CSMD1: variants seen among roughly 807,000 people sequenced by gnomAD.
CSMD1 encodes the protein CUB and sushi domain-containing protein 1.
CSMD1 carries 213 observed loss-of-function variants against 417.5 expected under a neutral mutation model. That is an observed-to-expected ratio of 0.51 (90% CI 0.46 to 0.57). CSMD1 has a LOEUF of 0.57. CSMD1 is among the 20% of genes least tolerant of loss of function. CSMD1 has a pLI of 0.00. For missense variants in CSMD1, 6,923 were observed against 4,529.7 expected (o/e 1.53, Z -15.17); for synonymous variants, 2,862 against 1,736.8 (o/e 1.65, Z -16.11).
At chr8:4,987,915 G>A (rs1044287461) in intron 1 of CSMD1, among the ~76,000 whole-genome samples, 1 of 152,134 alleles carries the variant, frequency 6.6e-6, no homozygotes, top group South Asian at 2.1e-4. Flanking sequence ...GGTTTTCCGG[G>A]GTGTCTTGGA....
chr8:4,091,248 A>T (rs1229542802), intron 3 of CSMD1, among the ~76,000 whole-genome samples: 1 of 152,130 alleles, frequency 6.6e-6, no homozygotes, highest in East Asian at 1.9e-4. Flanking sequence ...AATAATGAGG[A>T]TGCAAATTAG....
At chr8:3,226,968 A>T (rs1487447174) in intron 27 of CSMD1, among the ~76,000 whole-genome samples, 1 of 152,232 alleles carries the variant, frequency 6.6e-6, no homozygotes, top group Non-Finnish European at 1.5e-5. Flanking sequence ...TTATTAATTT[A>T]AAATGCCAAT....
chr8:3,561,276 C>T (rs145469763), intron 10 of CSMD1, among the ~76,000 whole-genome samples: 16 of 152,298 alleles, frequency 1.1e-4, no homozygotes, highest in African/African-American at 3.9e-4. Context: ...AGCAATTCTA[C>T]TACTAGGTAT....
At chr8:4,126,944 C>G (rs144602339) in intron 3 of CSMD1, among the ~76,000 whole-genome samples, 3 of 151,990 alleles carry the variant, frequency 2.0e-5, no homozygotes, top group Non-Finnish European at 2.9e-5. Context: ...GGAAGAGACC[C>G]TGCAGGTGAG....
intron 5 of CSMD1, among the ~76,000 whole-genome samples, chr8:3,754,679 T>A (rs1242869334): frequency 6.6e-6 from 1 of 152,212 alleles, no homozygotes; most frequent in African/African-American, 2.4e-5. Flanking sequence ...GGTCTCGAAC[T>A]TGTGACCTCA....
chr8:4,088,529 A>T (rs1800542728), intron 3 of CSMD1, among the ~76,000 whole-genome samples: 1 of 152,116 alleles, frequency 6.6e-6, no homozygotes, highest in South Asian at 2.1e-4. Context: ...ACTGGTTAGG[A>T]TGCAAAACTA....
At chr8:4,812,634 A>G (rs895907998) in intron 1 of CSMD1, among the ~76,000 whole-genome samples, 5 of 152,220 alleles carry the variant, frequency 3.3e-5, no homozygotes, top group Non-Finnish European at 7.3e-5. Flanking sequence ...ATTTTCATAG[A>G]TCATTTAAAC....
intron 3 of CSMD1, among the ~76,000 whole-genome samples, chr8:4,309,712 C>T (rs1271041655): frequency 6.6e-6 from 1 of 152,144 alleles, no homozygotes; most frequent in African/African-American, 2.4e-5. Context: ...GGGATTGTAA[C>T]ATACACAACA....
At chr8:4,494,835 TAGAGTCAGGGTAGGTAGCAA>T (rs1389775334) in intron 2 of CSMD1, among the ~76,000 whole-genome samples, 1 of 151,950 alleles carries the variant, frequency 6.6e-6, no homozygotes, top group African/African-American at 2.4e-5. Context: ...ACTTAGAAAA[TAGAGTCAGGGTAGGTAGCAA>T]TTCTACCTGA....
At chr8:3,992,305 G>A (rs993280345) in intron 5 of CSMD1, among the ~76,000 whole-genome samples, 4 of 151,982 alleles carry the variant, frequency 2.6e-5, no homozygotes, top group South Asian at 4.1e-4. Flanking sequence ...CCTGGAGTAC[G>A]CAAGTTTACA....
intron 12 of CSMD1, among the ~76,000 whole-genome samples, chr8:3,466,100 T>C (rs972319120): frequency 6.6e-6 from 1 of 152,140 alleles, no homozygotes; most frequent in Non-Finnish European, 1.5e-5. Flanking sequence ...CAAACAGAAA[T>C]AAGAGCTCGC....
chr8:3,342,022 T>C (rs960531008), intron 23 of CSMD1, among the ~76,000 whole-genome samples: 1 of 152,222 alleles, frequency 6.6e-6, no homozygotes. Context: ...GGTAAAATTC[T>C]AGTAAAAATT....
rs76879385 is a variant in CSMD1 at position 4,660,276 on chromosome 8, T to C, written c.86-22718A>G. 6.8e-3 allele frequency among the ~76,000 whole-genome samples: 1,036 copies of C among 152,186 alleles called. 13 individuals are homozygous for C. Among genetic ancestry groups the C allele is most frequent in the African/African-American group, 0.024 (992 of 41,534 alleles). Reference sequence around the variant, plus strand: ...AAGTGATTTTATTAAGTCTGTAACATGGACAGAAGAGTTAAAAACGCAACA... The same window carrying C: ...AAGTGATTTTATTAAGTCTGTAACACGGACAGAAGAGTTAAAAACGCAACA... On this transcript the variant is annotated intron_variant, in intron 1 of 69. Coordinates refer to ENST00000635120, the MANE Select transcript of CSMD1 (RefSeq NM_033225.6).
chr8:3,597,840 G>T (rs1398207044), intron 8 of CSMD1, among the ~76,000 whole-genome samples: 2 of 151,960 alleles, frequency 1.3e-5, no homozygotes, highest in East Asian at 3.9e-4. Context: ...CTGTCGGGGG[G>T]TTGGGGACTA....
At chr8:4,964,905 G>A (rs946537674) in intron 1 of CSMD1, among the ~76,000 whole-genome samples, 2 of 152,158 alleles carry the variant, frequency 1.3e-5, no homozygotes, top group African/African-American at 4.8e-5. Context: ...TTGGGGAGCA[G>A]GATTTTCAGC....
chr8:3,105,923 A>G (rs1261579387), intron 46 of CSMD1, among the ~76,000 whole-genome samples: 1 of 152,216 alleles, frequency 6.6e-6, no homozygotes, highest in Non-Finnish European at 1.5e-5. Flanking sequence ...CAGGTATTAA[A>G]ATTATTTCAA....
At chr8:3,424,509 GAA>G (rs1813698569) in intron 12 of CSMD1, among the ~76,000 whole-genome samples, 1 of 152,214 alleles carries the variant, frequency 6.6e-6, no homozygotes, top group East Asian at 1.9e-4. Context: ...GTCATATAGA[GAA>G]AAAAAGTTAA....
rs115996634 is a variant in CSMD1 at position 4,972,722 on chromosome 8, T to A, written c.85+21610A>T. Among the ~76,000 whole-genome samples the A allele has an allele frequency of 5.8e-3, 886 of 152,146 alleles. 12 individuals carry two copies. Among genetic ancestry groups the A allele is most frequent in the African/African-American group, 0.021 (853 of 41,486 alleles). On this transcript the variant is annotated intron_variant, in intron 1 of 69. Coordinates refer to ENST00000635120, the MANE Select transcript of CSMD1 (RefSeq NM_033225.6). ...TAAAACTTTTGCTTTAGGTAAGAAA[T>A]ATTGTTTGAGTTTTGAAGATTACCA...
chr8:4,425,390 A>G (rs1797489845), intron 2 of CSMD1, among the ~76,000 whole-genome samples: 1 of 150,954 alleles, frequency 6.6e-6, no homozygotes, highest in South Asian at 2.1e-4. Flanking sequence ...AAAAAAAAAA[A>G]AAAAAAATAG....
Sources: allele counts gnomAD v4.1 joint callset (sites outside exome capture counted in the v4.1 genomes callset), GRCh38; gene constraint gnomAD v4.1.1; transcripts MANE v1.5; gene names NCBI Gene and HGNC (gene_info 2026-07-23, HGNC 2026-07-21).